Variants in MAN2A1 observed in about 807,000 individuals in gnomAD.
MAN2A1 encodes the protein alpha-mannosidase 2.
A neutral mutation model predicts 142.6 loss-of-function variants in MAN2A1; 76 were observed. The ratio of observed to expected loss-of-function variants is 0.53; its 90% confidence interval spans 0.44 to 0.65. MAN2A1 has a LOEUF of 0.65. Ranked by LOEUF, MAN2A1 falls within the 30% of genes least tolerant of loss-of-function variation. The pLI is 0.00. For synonymous variants in MAN2A1, 559 were observed against 473.2 expected (o/e 1.18, Z -2.35); for missense variants, 1,311 against 1,365.1 (o/e 0.96, Z 0.62).
chr5:109,759,717 A>T lies in MAN2A1; in HGVS notation c.835+4261A>T, dbSNP rs1195684254. Among the ~76,000 whole-genome samples, 5 of 152,170 alleles carry T rather than the reference A, an allele frequency of 3.3e-5. No individual in the cohort carries two copies. In the South Asian group the frequency reaches 1.0e-3, roughly 32 times the overall value. ...GGTGGTGCTATTTTATATTCCACCA[A>T]CAACGAATTAGAGTTCTGATTGTTC... On this transcript the variant is annotated intron_variant, in intron 5 of 21. Transcript: ENST00000261483.
intron 5 of MAN2A1, among the ~76,000 whole-genome samples, chr5:109,760,918 T>A (rs1167608720): frequency 6.6e-6 from 1 of 152,064 alleles, no homozygotes; most frequent in Non-Finnish European, 1.5e-5. Flanking sequence ...GTTGCCTTTT[T>A]TAAAATTTGT....
intron 5 of MAN2A1, among the ~76,000 whole-genome samples, chr5:109,762,135 CA>C (rs1319771852): frequency 6.6e-6 from 1 of 151,802 alleles, no homozygotes; most frequent in African/African-American, 2.4e-5. Context: ...AGTTTTTTTC[CA>C]CAAGGATAGG....
At chr5:109,693,276 CT>C (rs200755613) in intron 1 of MAN2A1, among the ~76,000 whole-genome samples, 6 of 149,110 alleles carry the variant, frequency 4.0e-5, no homozygotes, top group Middle Eastern at 3.4e-3. Context: ...TGAGTTGATT[CT>C]TTTTTTTTTC....
At chr5:109,738,668 G>T (rs1487795494) in intron 4 of MAN2A1, among the ~76,000 whole-genome samples, 6 of 152,038 alleles carry the variant, frequency 3.9e-5, no homozygotes, top group South Asian at 2.1e-4. Context: ...ATTTTATTTG[G>T]TTTTTGTGAG....
chr5:109,727,030 A>G (rs1751764460), intron 3 of MAN2A1, among the ~76,000 whole-genome samples: 1 of 152,212 alleles, frequency 6.6e-6, no homozygotes, highest in East Asian at 1.9e-4. Flanking sequence ...AATTTAGCTC[A>G]GTTTTGCAAT....
chr5:109,838,641 A>G (rs1441369202), intron 16 of MAN2A1, among the ~76,000 whole-genome samples: 2 of 152,114 alleles, frequency 1.3e-5, no homozygotes, highest in East Asian at 1.9e-4. Flanking sequence ...AAAATAATAA[A>G]TTATCATTGA....
rs114058291 is a variant in MAN2A1 at position 109,698,991 on chromosome 5, A to G, written c.135+8439A>G. ...TTGATTTTTGTTTCAATTTTGAGCT[A>G]TTGTTTCCCTTTATAAGAGATGAAG... On this transcript the variant is annotated intron_variant, in intron 1 of 21. Coordinates refer to ENST00000261483, the MANE Select transcript of MAN2A1 (RefSeq NM_002372.4). 4.5e-3 allele frequency among the ~76,000 whole-genome samples: 692 copies of G among 152,116 alleles called. 4 individuals are homozygous for G. Among genetic ancestry groups the G allele is most frequent in the African/African-American group, 0.016 (653 of 41,494 alleles).
At chr5:109,813,194 TG>T (rs1349625305) in intron 12 of MAN2A1, among the ~76,000 whole-genome samples, 3 of 152,196 alleles carry the variant, frequency 2.0e-5, no homozygotes, top group Admixed American at 6.5e-5. Flanking sequence ...ATAATATACT[TG>T]AAATGTAAAT....
At chr5:109,846,947 G>A (rs769112724) in intron 18 of MAN2A1, among the ~76,000 whole-genome samples, 6 of 152,186 alleles carry the variant, frequency 3.9e-5, no homozygotes, top group Non-Finnish European at 7.3e-5. Flanking sequence ...GCATGTTCCC[G>A]ATGTGCAGTG....
At chr5:109,822,685 T>G (rs1217426259) in intron 15 of MAN2A1, among the ~76,000 whole-genome samples, 1 of 152,102 alleles carries the variant, frequency 6.6e-6, no homozygotes, top group African/African-American at 2.4e-5. Context: ...AAAAAAAATT[T>G]TTTTTTTTTG....
At chr5:109,761,809 T>C (rs1014526798) in intron 5 of MAN2A1, among the ~76,000 whole-genome samples, 1 of 152,062 alleles carries the variant, frequency 6.6e-6, no homozygotes, top group Admixed American at 6.6e-5. Flanking sequence ...TTTTTGATAA[T>C]GTTAAAAATT....
chr5:109,829,307 G>A (rs562210633), intron 16 of MAN2A1, among the ~76,000 whole-genome samples: 8 of 152,190 alleles, frequency 5.3e-5, no homozygotes, highest in Admixed American at 2.6e-4. Context: ...CATTCAAACT[G>A]TCACAAAATT....
intron 4 of MAN2A1, among the ~76,000 whole-genome samples, chr5:109,744,322 A>C (rs1554075209): frequency 1.3e-5 from 2 of 152,106 alleles, no homozygotes; most frequent in Non-Finnish European, 2.9e-5. Flanking sequence ...ATGATATTCA[A>C]GCTTAAACCT....
intron 16 of MAN2A1, among the ~76,000 whole-genome samples, chr5:109,834,604 A>C (rs1291920804): frequency 6.6e-6 from 1 of 152,178 alleles, no homozygotes; most frequent in Non-Finnish European, 1.5e-5. Flanking sequence ...TTTTCATGAG[A>C]ATTATTGAAA....
intron 1 of MAN2A1, among the ~76,000 whole-genome samples, chr5:109,702,316 TGTG>T (rs1269454784): frequency 4.1e-4 from 4 of 9,768 alleles, no homozygotes; most frequent in South Asian, 1.8e-3. Context: ...GAACATAAAT[TGTG>T]TGTGTGTGTG....
chr5:109,741,172 C>T (rs920110752), intron 4 of MAN2A1, among the ~76,000 whole-genome samples: 1 of 152,064 alleles, frequency 6.6e-6, no homozygotes, highest in African/African-American at 2.4e-5. Context: ...TGATCGTGAA[C>T]AGTATCATTT....
intron 12 of MAN2A1, among the ~76,000 whole-genome samples, chr5:109,813,334 C>T (rs1363428810): frequency 6.6e-6 from 1 of 152,212 alleles, no homozygotes; most frequent in African/African-American, 2.4e-5. Flanking sequence ...CTTCAGCTGT[C>T]ACAACTGTCA....
rs202229152 is a variant in MAN2A1, at chr5:109,789,068, G to T, written c.1875+20G>T. 6 of 1,249,338 alleles carry T rather than the reference G, an allele frequency of 4.8e-6. No homozygotes were observed. In the African/African-American group the frequency reaches 9.0e-5, roughly 19 times the overall value. The allele number at this position is 1,249,338 out of a possible 1,614,324, so 77.4% of individuals were successfully genotyped here. Reference sequence around the variant, plus strand: ...GAGATGGTTAGTAATTTCATCTATGGTCATCATAAAAATGTGTAATTCCAT... The same window carrying T: ...GAGATGGTTAGTAATTTCATCTATGTTCATCATAAAAATGTGTAATTCCAT... On this transcript the variant is annotated intron_variant, in intron 11 of 21. Coordinates refer to ENST00000261483, the MANE Select transcript of MAN2A1 (RefSeq NM_002372.4).
Position 109,823,822 on chromosome 5 carries a change from C to T in MAN2A1, c.2551C>T (p.Leu851=). ...FFDHVTHRVR[L]YHIQGIEGQS... The stretch of plus-strand genomic sequence containing the variant: ...TGACCATGTTACTCATAGAGTCCGA[C>T]TATACCACATACAGGGTAAGAAAAT... The change falls in exon 16 of 22, where the codon CTA becomes TTA. Residue 851 remains leucine (L), a synonymous_variant. Transcript: ENST00000261483. 6.4e-7 allele frequency: 1 copy of T among 1,567,006 alleles called. No homozygotes were observed. Among genetic ancestry groups the T allele is most frequent in the African/African-American group, 1.4e-5 (1 of 73,148 alleles).
Sources: gnomAD v4.1 joint callset for allele counts (sites outside exome capture counted in the v4.1 genomes callset) on GRCh38, gnomAD v4.1.1 for gene constraint, MANE v1.5 for transcripts, NCBI Gene and HGNC (gene_info 2026-07-23, HGNC 2026-07-21) for gene names.